The following RIMS1 variants were observed in gnomAD, a reference collection of about 807,000 sequenced individuals.
The protein encoded by RIMS1 is regulating synaptic membrane exocytosis protein 1.
A neutral mutation model predicts 214.1 loss-of-function variants in RIMS1; 83 were observed. That is an observed-to-expected ratio of 0.39 (90% CI 0.32 to 0.47). The LOEUF is 0.47. Among genes scored for constraint, RIMS1 ranks in the 20% least tolerant of loss-of-function variants. The pLI, the probability that RIMS1 is intolerant of heterozygous loss-of-function variation, is 0.99. For synonymous variants in RIMS1, 793 were observed against 786.8 expected (o/e 1.01, Z -0.13); for missense variants, 2,050 against 2,161.8 (o/e 0.95, Z 1.03).
At chr6:72,230,629 T>A (rs2807502) in intron 6 of RIMS1, among the ~76,000 whole-genome samples, 151,572 of 151,574 alleles carry the variant, frequency 1, 75,785 homozygotes, top group Non-Finnish European at 1. Context: ...AGAGATAGAG[T>A]TACATGTTTA....
intron 2 of RIMS1, among the ~76,000 whole-genome samples, chr6:72,045,185 G>C (rs1822617939): frequency 6.6e-6 from 1 of 151,936 alleles, no homozygotes; most frequent in Non-Finnish European, 1.5e-5. Context: ...CTCGGGGAGA[G>C]AGTGGGAATT....
chr6:72,196,380 TATCTATCTATC>T (rs1562551708), intron 6 of RIMS1, among the ~76,000 whole-genome samples: 1 of 26,128 alleles, frequency 3.8e-5, no homozygotes, highest in African/African-American at 1.0e-4. Context: ...TCTGTCTGTC[TATCTATCTATC>T]TATCTATCTA....
intron 4 of RIMS1, among the ~76,000 whole-genome samples, chr6:72,102,791 C>A (rs2033900125): frequency 6.6e-6 from 1 of 151,978 alleles, no homozygotes; most frequent in African/African-American, 2.4e-5. Context: ...CTTTCTCTGG[C>A]TAGCATTAAA....
At chr6:72,151,909 A>G (rs2043649985) in intron 4 of RIMS1, among the ~76,000 whole-genome samples, 2 of 152,178 alleles carry the variant, frequency 1.3e-5, no homozygotes, top group Admixed American at 6.5e-5. Flanking sequence ...GAAGTTGCAA[A>G]CATGGTGGGA....
chr6:72,003,263 T>A (rs893505745), intron 2 of RIMS1, among the ~76,000 whole-genome samples: 2 of 152,148 alleles, frequency 1.3e-5, no homozygotes, highest in Non-Finnish European at 2.9e-5. Context: ...CTCCTTAATA[T>A]TTCTGTAGCA....
chr6:72,083,090 C>A (rs894453510), intron 2 of RIMS1, among the ~76,000 whole-genome samples: 1 of 151,974 alleles, frequency 6.6e-6, no homozygotes, highest in Non-Finnish European at 1.5e-5. Flanking sequence ...GAAAAGGCAA[C>A]AAAATTTGGT....
In RIMS1 at chr6:72,252,761, G is replaced by A. The variant is rs760224148; in HGVS notation, c.2699G>A (p.Arg900Lys). Reference sequence around the variant, plus strand: ...ATCTCTTTGCCTTACTGTTGTGCAGGATCTCAGCGAATCAGTGATAGTGAC... The same window carrying A: ...ATCTCTTTGCCTTACTGTTGTGCAGAATCTCAGCGAATCAGTGATAGTGAC... ...HGESSSKKLQ[R>K]SQRISDSDIS... The change falls in exon 16 of 34, where the codon AGA becomes AAA. Residue 900 changes from arginine to lysine, a missense_variant and splice_region_variant. Physicochemically the swap from Arg to Lys is conservative, Grantham distance 26 (BLOSUM62 2). This residue lies in a region of RIMS1 where 889 missense variants were observed against 885.5 expected (regional missense o/e 1.00). Transcript: ENST00000521978. The A allele has an allele frequency of 1.9e-5, 30 of 1,557,750 alleles. No individual in the cohort carries two copies. Among genetic ancestry groups the A allele is most frequent in the Non-Finnish European group, 2.5e-5 (29 of 1,149,494 alleles).
At chr6:71,997,865 A>G (rs565147016) in intron 2 of RIMS1, among the ~76,000 whole-genome samples, 2 of 152,262 alleles carry the variant, frequency 1.3e-5, no homozygotes, top group East Asian at 1.9e-4. Context: ...TGTGGTTACT[A>G]CTGTGCCACT....
At chr6:72,033,828 G>A (rs983471016) in intron 2 of RIMS1, among the ~76,000 whole-genome samples, 1 of 151,912 alleles carries the variant, frequency 6.6e-6, no homozygotes, top group African/African-American at 2.4e-5. Context: ...TTCTACTAGC[G>A]TAACAGTGAC....
chr6:72,233,824 C>T lies in RIMS1; in HGVS notation c.1730C>T (p.Thr577Ile). 6.3e-7 allele frequency: 1 copy of T among 1,580,230 alleles called. No individual in the cohort carries two copies. Among genetic ancestry groups the T allele is most frequent in the Non-Finnish European group, 8.6e-7 (1 of 1,160,804 alleles). Residue 577 changes from threonine (T) to isoleucine (I), a missense_variant, in exon 7 of 34, where the codon ACA becomes ATA. Thr to Ile is a moderately conservative substitution (Grantham distance 89). Around this residue, in one of 6 missense-constraint regions of RIMS1, gnomAD observed 882 missense variants for 828.9 expected, o/e 1.06. Coordinates refer to ENST00000521978, the MANE Select transcript of RIMS1 (RefSeq NM_014989.7). Reference sequence around the variant, plus strand: ...CCTGCCACGTGGCACAGCCGGGAGACATCACCTATTAGTTCGGTAAGTTTT... The same window carrying T: ...CCTGCCACGTGGCACAGCCGGGAGATATCACCTATTAGTTCGGTAAGTTTT... ...LDPATWHSRE[T>I]SPISSHPVTW...
chr6:72,196,742 A>G (rs1165916553), intron 6 of RIMS1, among the ~76,000 whole-genome samples: 2 of 151,832 alleles, frequency 1.3e-5, no homozygotes, highest in African/African-American at 4.8e-5. Context: ...AGTAGATGAG[A>G]TGTTTATAGC....
At chr6:72,031,706 G>A (rs1207969923) in intron 2 of RIMS1, among the ~76,000 whole-genome samples, 1 of 152,098 alleles carries the variant, frequency 6.6e-6, no homozygotes, top group Non-Finnish European at 1.5e-5. Context: ...CTGAATGTCA[G>A]TATGATTCAT....
intron 29 of RIMS1, among the ~76,000 whole-genome samples, chr6:72,355,701 A>G (rs898567927): frequency 3.3e-5 from 5 of 152,116 alleles, no homozygotes; most frequent in African/African-American, 1.2e-4. Context: ...ATAAACATAC[A>G]TGTCTCCCAT....
chr6:72,346,567 TC>T (rs777372752), intron 29 of RIMS1, among the ~76,000 whole-genome samples: 27 of 151,662 alleles, frequency 1.8e-4, no homozygotes, highest in Non-Finnish European at 3.1e-4. Context: ...CAGACAGAAA[TC>T]CAAGTTTTCT....
At chr6:72,249,628 C>G (rs939018464) in intron 12 of RIMS1, among the ~76,000 whole-genome samples, 2 of 151,978 alleles carry the variant, frequency 1.3e-5, no homozygotes, top group Non-Finnish European at 2.9e-5. Flanking sequence ...AAAAACTGGC[C>G]AGACATGATG....
chr6:72,239,373 A>G (rs192568971), intron 9 of RIMS1, among the ~76,000 whole-genome samples: 186 of 152,296 alleles, frequency 1.2e-3, no homozygotes, highest in Non-Finnish European at 2.0e-3. Context: ...TGAAATGTTA[A>G]AAGCTCAACT....
At chr6:72,400,397 T>C (rs1596448365) in intron 33 of RIMS1, 99 bp from the exon 34 acceptor site, 1 of 943,146 alleles carries the variant, frequency 1.1e-6, no homozygotes, top group East Asian at 2.4e-5. Flanking sequence ...TTTCCTCTGC[T>C]TCACTGACTG....
intron 2 of RIMS1, among the ~76,000 whole-genome samples, chr6:72,006,374 C>T (rs532043893): frequency 6.6e-6 from 1 of 152,176 alleles, no homozygotes; most frequent in African/African-American, 2.4e-5. Context: ...CAAATAGGAA[C>T]AGCTCCAGTC....
chr6:72,250,595 A>C (rs2072820837), intron 13 of RIMS1, 135 bp downstream of exon 13: 1 of 638,494 alleles, frequency 1.6e-6, no homozygotes, highest in Non-Finnish European at 2.5e-6. Context: ...CTCTGAAAAA[A>C]GAAGTCCCTC....
Sources: gnomAD v4.1 joint callset for allele counts (sites outside exome capture counted in the v4.1 genomes callset) on GRCh38, gnomAD v4.1.1 for gene constraint, gnomAD v4.1.1 regional missense constraint, MANE v1.5 for transcripts, NCBI Gene and HGNC (gene_info 2026-07-23, HGNC 2026-07-21) for gene names.